The following SELP variants were observed in gnomAD, a reference collection of about 807,000 sequenced individuals.
SELP encodes selectin P.
In SELP, 92 loss-of-function variants were observed where a neutral mutation model predicts 104.1. The ratio of observed to expected loss-of-function variants is 0.88; its 90% CI spans 0.75 to 1.05. The LOEUF (loss-of-function observed/expected upper bound fraction) is 1.05, where lower values mean the gene tolerates loss of function less well. SELP is among the 50% of genes least tolerant of loss of function. The pLI is 0.00. For synonymous variants in SELP, 397 were observed against 364.5 expected (o/e 1.09, Z -1.01); for missense variants, 1,022 against 1,017.3 (o/e 1.00, Z -0.06).
At chr1:169,620,378 A>AT (rs1663036532) in intron 1 of SELP, among the ~76,000 whole-genome samples, 1 of 118,830 alleles carries the variant, frequency 8.4e-6, no homozygotes, top group African/African-American at 3.3e-5. Context: ...TTTCCACTGT[A>AT]CTTTTTTTTT....
chr1:169,598,226 T>C (rs1280444642), intron 10 of SELP, among the ~76,000 whole-genome samples: 1 of 152,230 alleles, frequency 6.6e-6, no homozygotes, highest in Non-Finnish European at 1.5e-5. Flanking sequence ...TTCTCTAATA[T>C]AAGACTATTA....
Position 169,603,092 on chromosome 1 carries a change from A to C in SELP, c.1639T>G (p.Ser547Ala). The C allele has an allele frequency of 6.2e-7, 1 of 1,614,118 alleles. No individual in the cohort carries two copies. The highest frequency in any genetic ancestry group is 8.5e-7 in the Non-Finnish European group (1 of 1,180,002). The stretch of plus-strand genomic sequence containing the variant: ...GTACAATCCAATCTTTCTGGTCCAG[A>C]CAAAGAATATCCCTCGTCACAGATG... ...QFICDEGYSL[S>A]GPERLDCTRS... is the part of the protein sequence containing the mutation. The change falls in exon 10 of 17, where the codon TCT becomes GCT. Residue 547 changes from serine (S) to alanine (A), a missense_variant. By Grantham distance (99) the Ser-to-Ala change is moderately conservative (BLOSUM62 1). Coordinates refer to ENST00000263686, the MANE Select transcript of SELP (RefSeq NM_003005.4).
At chr1:169,592,807 C>T (rs190341876) in intron 14 of SELP, among the ~76,000 whole-genome samples, 5 of 152,278 alleles carry the variant, frequency 3.3e-5, no homozygotes, top group Admixed American at 1.3e-4. Context: ...ACAGGGGCAG[C>T]TTCTTCTGCC....
rs1171420244 is a variant in SELP at position 169,605,482 on chromosome 1, T to TGG, written c.1519+1466_1519+1467insCC. 4.9e-5 allele frequency among the ~76,000 whole-genome samples: 7 copies of TGG among 142,886 alleles called. No homozygotes were observed. The Admixed American group carries it at 5.1e-4, about 10-fold the overall frequency. 93.7% of individuals were successfully genotyped at this position (142,886 alleles called of 152,430 possible). ...TGACCTAGCTTAACAATGGGGTGTG[T>TGG]GTGTGGGGGGTGTGTGTGTGTGTAT... On this transcript the variant is annotated intron_variant, in intron 9 of 16. Transcript: ENST00000263686.
At chr1:169,609,374 A>C in intron 8 of SELP, 130 bp downstream of exon 8, 1 of 880,844 alleles carries the variant, frequency 1.1e-6, no homozygotes, top group Non-Finnish European at 1.7e-6. Flanking sequence ...GGTCCCAAGC[A>C]CAAAGGACAT....
intron 2 of SELP, 51 bp from the exon 3 acceptor site, chr1:169,617,465 G>A (rs2101915536): frequency 6.4e-7 from 1 of 1,567,586 alleles, no homozygotes; most frequent in East Asian, 2.3e-5. Flanking sequence ...CCAAAAAAGA[G>A]GCCGTGATCC....
intron 1 of SELP, among the ~76,000 whole-genome samples, chr1:169,628,249 A>G (rs561237987): frequency 1.2e-4 from 19 of 152,318 alleles, no homozygotes; most frequent in African/African-American, 4.1e-4. Context: ...TAAGTTCCCA[A>G]TCAAGAGCTA....
At chr1:169,609,713 A>C in intron 7 of SELP, 24 bp from the exon 8 acceptor site, 1 of 1,587,320 alleles carries the variant, frequency 6.3e-7, no homozygotes, top group Non-Finnish European at 8.6e-7. Context: ...GTATCTTCTA[A>C]AGCCAGGTAA....
intron 10 of SELP, among the ~76,000 whole-genome samples, chr1:169,599,674 T>C (rs1661803822): frequency 6.6e-6 from 1 of 152,244 alleles, no homozygotes; most frequent in African/African-American, 2.4e-5. Flanking sequence ...TAAATGTATC[T>C]GAGTTGAATA....
chr1:169,612,491 C>A, intron 5 of SELP, 89 bp from the exon 6 acceptor site: 1 of 1,287,126 alleles, frequency 7.8e-7, no homozygotes, highest in South Asian at 1.3e-5. Context: ...GCAGTCACAC[C>A]TTCCCAAAGT....
chr1:169,606,708 G>A (rs1662218627), intron 9 of SELP, among the ~76,000 whole-genome samples: 1 of 152,262 alleles, frequency 6.6e-6, no homozygotes, highest in Non-Finnish European at 1.5e-5. Context: ...TAAGGAGTTA[G>A]CAAGGGCCAT....
At chr1:169,605,500 G>GTA (rs371133384) in intron 9 of SELP, among the ~76,000 whole-genome samples, 38 of 151,966 alleles carry the variant, frequency 2.5e-4, no homozygotes, top group African/African-American at 8.2e-4. Flanking sequence ...GGGTGTGTGT[G>GTA]TGTGTATGTG....
At chr1:169,626,171 G>A (rs1274703594) in intron 1 of SELP, among the ~76,000 whole-genome samples, 1 of 152,214 alleles carries the variant, frequency 6.6e-6, no homozygotes, top group Non-Finnish European at 1.5e-5. Flanking sequence ...GAAGACATTA[G>A]TGTGGCCAGA....
intron 10 of SELP, among the ~76,000 whole-genome samples, chr1:169,597,816 C>T (rs542421120): frequency 6.6e-6 from 1 of 152,290 alleles, no homozygotes; most frequent in East Asian, 1.9e-4. Context: ...TGGTTCTTGG[C>T]TCACATTCCC....
chr1:169,609,519 C>T lies in SELP; in HGVS notation c.1318G>A (p.Ala440Thr). Residue 440 changes from alanine (A) to threonine (T), a missense_variant, in exon 8 of 17, where the codon GCC (alanine) becomes ACC (threonine). Transcript: ENST00000263686. ...GTTACAGTACCTTGACAGACTGGGG[C>T]TGGTGCTGTCCACTGTCCCAAGTTA... ...CDNLGQWTAP[A>T]PVCQALQCQD... is the part of the protein sequence containing the mutation. 6.2e-7 allele frequency: 1 copy of T among 1,613,080 alleles called. No individual in the cohort carries two copies. The highest frequency in any genetic ancestry group is 8.5e-7 in the Non-Finnish European group (1 of 1,179,456).
intron 1 of SELP, among the ~76,000 whole-genome samples, chr1:169,623,948 T>G (rs913389156): frequency 2.0e-5 from 3 of 152,210 alleles, no homozygotes; most frequent in Non-Finnish European, 4.4e-5. Context: ...GGCTTATGAA[T>G]TTTGAAAATC....
intron 3 of SELP, 129 bp from the exon 4 acceptor site, chr1:169,613,822 G>T: frequency 1.4e-6 from 1 of 717,716 alleles, no homozygotes; most frequent in Non-Finnish European, 2.4e-6. Context: ...GGGAAGCACA[G>T]TATCTTCTAG....
chr1:169,602,592 G>A (rs1661962420), intron 10 of SELP, among the ~76,000 whole-genome samples: 1 of 152,120 alleles, frequency 6.6e-6, no homozygotes, highest in Admixed American at 6.5e-5. Flanking sequence ...ATGCTATAAT[G>A]ACATGAAAGC....
intron 13 of SELP, 52 bp downstream of exon 13, chr1:169,594,640 T>C: frequency 1.3e-6 from 2 of 1,557,460 alleles, no homozygotes; most frequent in Non-Finnish European, 1.8e-6. Context: ...GAAACACTGA[T>C]TTTGTTATTT....
Sources: gnomAD v4.1 joint callset for allele counts (sites outside exome capture counted in the v4.1 genomes callset) on GRCh38, gnomAD v4.1.1 for gene constraint, MANE v1.5 for transcripts, NCBI Gene and HGNC (gene_info 2026-07-23, HGNC 2026-07-21) for gene names.